Variants in PDZD4 observed in about 807,000 individuals in gnomAD.
The protein encoded by PDZD4 is PDZ domain-containing protein 4.
A neutral mutation model predicts 38.5 loss-of-function variants in PDZD4; 9 were observed. That is an observed-to-expected ratio of 0.23 (90% CI 0.14 to 0.41). The LOEUF (loss-of-function observed/expected upper bound fraction) is 0.41, where lower values mean the gene tolerates loss of function less well. PDZD4 is among the 10% of genes least tolerant of loss of function. The pLI, the probability that PDZD4 is intolerant of heterozygous loss-of-function variation, is 1.00. For missense variants in PDZD4, 612 were observed against 722.0 expected (o/e 0.85, Z 1.75); for synonymous variants, 349 against 315.7 (o/e 1.11, Z -1.12).
chrX:153,817,019 A>G (rs1410318068), intron 1 of PDZD4, among the ~76,000 whole-genome samples: 2 of 111,184 alleles, frequency 1.8e-5, no homozygotes, highest in Non-Finnish European at 3.8e-5. Context: ...GCCAGTACGC[A>G]CAGAGGAAAC....
chrX:153,829,645 G>T (rs1189349431), intron 1 of PDZD4: 2 of 691,787 alleles, frequency 2.9e-6, no homozygotes, highest in Non-Finnish European at 3.4e-6. Context: ...TCCCCGCGGG[G>T]CCCTGCTGGT....
At chrX:153,814,765 T>C (rs1440646335) in intron 1 of PDZD4, among the ~76,000 whole-genome samples, 1 of 110,874 alleles carries the variant, frequency 9.0e-6, no homozygotes, top group African/African-American at 3.3e-5. Context: ...GACTCTCATC[T>C]TCTCCAGTGC....
rs2064340497 is a variant in PDZD4, at chrX:153,814,480, ACCCCCCCCCC to A, written c.61-5895_61-5886del. On this transcript the variant is annotated intron_variant, in intron 1 of 7. Transcript: ENST00000393758. The stretch of plus-strand genomic sequence containing the variant: ...CAGAGTCAGACTCCATCCACCCCCC[ACCCCCCCCCC>A]AAAAAAAAGTCTCCTTCATCAAGTG... Among the ~76,000 whole-genome samples the A allele has an allele frequency of 5.6e-5, 3 of 53,858 alleles. No individual in the cohort carries two copies. The South Asian group carries it at 5.2e-3, about 94-fold the overall frequency. 46.8% of individuals were successfully genotyped at this position (53,858 alleles called of 115,157 possible).
In PDZD4 at chrX:153,808,608, C is replaced by A; in HGVS notation, c.61-13G>T. On this transcript the variant is annotated splice_polypyrimidine_tract_variant and intron_variant, in intron 1 of 7. Transcript: ENST00000393758. ...CCTTCCCGTTCACCTGCGGCAGAGA[C>A]ACGCCTCCGTAAGAACCCTCAAAGG... The A allele has an allele frequency of 8.7e-7, 1 of 1,144,956 alleles. No homozygotes were observed. Among genetic ancestry groups the A allele is most frequent in the Non-Finnish European group, 1.2e-6 (1 of 861,743 alleles). 94.4% of individuals were successfully genotyped at this position (1,144,956 alleles called of 1,213,427 possible).
At chrX:153,820,140 A>C (rs782094850) in intron 1 of PDZD4, among the ~76,000 whole-genome samples, 55 of 109,765 alleles carry the variant, frequency 5.0e-4, no homozygotes, top group Non-Finnish European at 9.3e-4. Context: ...CAAGGTCAGG[A>C]GTTCGAGACC....
chrX:153,806,890 C>T (rs1335007379), intron 3 of PDZD4, 50 bp from the exon 4 acceptor site: 6 of 1,054,502 alleles, frequency 5.7e-6, no homozygotes, highest in East Asian at 6.1e-5. Flanking sequence ...CCCAGAAATG[C>T]GTGAGTGAGG....
chrX:153,823,139 C>T (rs911361622), intron 1 of PDZD4, among the ~76,000 whole-genome samples: 32 of 109,656 alleles, frequency 2.9e-4, no homozygotes, highest in Admixed American at 9.8e-5. Context: ...GCTCATGCAA[C>T]CTCCACCTGC....
At chrX:153,821,928 G>A (rs1190959528) in intron 1 of PDZD4, among the ~76,000 whole-genome samples, 24 of 111,375 alleles carry the variant, frequency 2.2e-4, no homozygotes, top group Non-Finnish European at 3.2e-4. Context: ...GGTGGCTCAC[G>A]CCTGTAATCC....
At chrX:153,817,331 C>G (rs1330967871) in intron 1 of PDZD4, among the ~76,000 whole-genome samples, 1 of 112,133 alleles carries the variant, frequency 8.9e-6, no homozygotes, top group Non-Finnish European at 1.9e-5. Context: ...AACTTATACT[C>G]AAATGCTCAC....
intron 1 of PDZD4, among the ~76,000 whole-genome samples, chrX:153,821,758 A>G (rs1158022827): frequency 9.0e-6 from 1 of 111,635 alleles, no homozygotes; most frequent in African/African-American, 3.3e-5. Context: ...GGCCTTCTGC[A>G]TGAGGGCATC....
intron 1 of PDZD4, among the ~76,000 whole-genome samples, chrX:153,823,380 G>T (rs1288765044): frequency 9.1e-6 from 1 of 110,481 alleles, no homozygotes; most frequent in Non-Finnish European, 1.9e-5. Flanking sequence ...CACCATGCCC[G>T]GCTAATTTTG....
At position 153,803,040 on chromosome X, in the gene PDZD4, A is replaced by T; in HGVS notation, c.*313T>A. On this transcript the variant is annotated 3_prime_UTR_variant, in exon 8 of 8. Coordinates refer to ENST00000393758, the MANE Select transcript of PDZD4 (RefSeq NM_001303512.2). ...TGGGTGTGTGTGTGCGTGCACGTGCAAGCACACGCAAGAGCATGGGGGATG... is the reference window on the plus strand; with the variant it reads ...TGGGTGTGTGTGTGCGTGCACGTGCTAGCACACGCAAGAGCATGGGGGATG... 1 of 201,652 alleles carries T rather than the reference A, an allele frequency of 5.0e-6. No homozygotes were observed. The highest frequency in any genetic ancestry group is 9.1e-6 in the Non-Finnish European group (1 of 109,521). The allele number at this position is 201,652 out of a possible 1,213,427, so 16.6% of individuals were successfully genotyped here.
Position 153,803,801 on chromosome X carries a change from C to A in PDZD4, c.1880G>T (p.Arg627Leu), listed in dbSNP as rs2092191805. ...GVAAAATEAP[R>L]MEWKVKVRSD... is the part of the protein sequence containing the mutation. ...GCGCACCTTCACTTTCCACTCCATG[C>A]GCGGTGCTTCAGTGGCCGCGGCCGC... The change falls in exon 8 of 8, where the codon CGC (arginine) becomes CTC (leucine). Residue 627 changes from arginine (R) to leucine (L), a missense_variant. Arg to Leu is a moderately radical substitution (Grantham distance 102). Around this residue, in one of 3 missense-constraint regions of PDZD4, gnomAD observed 300 missense variants for 284.6 expected, o/e 1.05. Transcript: ENST00000393758. 3.3e-6 allele frequency: 4 copies of A among 1,203,217 alleles called. No homozygotes were observed. The highest frequency in any genetic ancestry group is 4.5e-6 in the Non-Finnish European group (4 of 893,159).
rs781840928 is a variant in PDZD4 at position 153,803,390 on chromosome X, C to G, written c.2291G>C (p.Arg764Pro). The G allele has an allele frequency of 2.6e-6, 3 of 1,141,519 alleles. No individual in the cohort carries two copies. The highest frequency in any genetic ancestry group is 3.5e-6 in the Non-Finnish European group (3 of 863,497). The allele number at this position is 1,141,519 out of a possible 1,213,427, so 94.1% of individuals were successfully genotyped here. Residue 764 changes from arginine to proline, a missense_variant, in exon 8 of 8, where the codon CGG becomes CCG. Coordinates refer to ENST00000393758, the MANE Select transcript of PDZD4 (RefSeq NM_001303512.2). ...GACTGAGAGAAGAGGGTTGTAGACC[C>G]GCTTGCCATCGGCGGAGCGCGCGCC... is the stretch of plus-strand genomic sequence containing the variant. The part of the protein sequence containing the change: ...AHGARSADGK[R>P]VYNPLLSVTT...
At position 153,803,330 on chromosome X, in the gene PDZD4, G is replaced by A; in HGVS notation, c.*23C>T. ...GGCCCCAGGGGGTTCCCTGGGCCTG[G>A]GCCGTGTACCCGCCCGGGCAGCTCA... On this transcript the variant is annotated 3_prime_UTR_variant, in exon 8 of 8. Coordinates refer to ENST00000393758, the MANE Select transcript of PDZD4 (RefSeq NM_001303512.2). The A allele has an allele frequency of 8.9e-7, 1 of 1,118,740 alleles. No individual in the cohort carries two copies. Among genetic ancestry groups the A allele is most frequent in the Non-Finnish European group, 1.2e-6 (1 of 854,854 alleles). 92.2% of individuals were successfully genotyped at this position (1,118,740 alleles called of 1,213,427 possible).
intron 1 of PDZD4, among the ~76,000 whole-genome samples, chrX:153,820,247 T>G (rs782773072): frequency 9.5e-6 from 1 of 104,984 alleles, no homozygotes; most frequent in African/African-American, 3.5e-5. Flanking sequence ...CTAGGGAGGC[T>G]GAGGCAGGAG....
In PDZD4 at chrX:153,804,632, C is replaced by T. The variant is rs1158421027; in HGVS notation, c.1049G>A (p.Gly350Asp). 6 of 1,208,158 alleles carry T rather than the reference C, an allele frequency of 5.0e-6. No homozygotes were observed. Among genetic ancestry groups the T allele is most frequent in the African/African-American group, 1.7e-5 (1 of 57,393 alleles). Reference sequence around the variant, plus strand: ...CTCATCCGTGAGGCCCGGGACGTCGCCCCCTCCCAGCCCCGCCCCCTCGGC... The same window carrying T: ...CTCATCCGTGAGGCCCGGGACGTCGTCCCCTCCCAGCCCCGCCCCCTCGGC... ...LLAEGAGLGG[G>D]DVPGLTDEEY... Residue 350 changes from glycine (G) to aspartate (D), a missense_variant, in exon 8 of 8, where the codon GGC becomes GAC. Transcript: ENST00000393758.
intron 7 of PDZD4, 44 bp downstream of exon 7, chrX:153,805,041 TTCCACCCAGTTC>T (rs2148457763): frequency 8.7e-7 from 1 of 1,154,545 alleles, no homozygotes; most frequent in East Asian, 3.0e-5. Flanking sequence ...CCTCAGCGCC[TTCCACCCAGTTC>T]TCTCCTCCTC....
At chrX:153,807,190 C>A in intron 3 of PDZD4, 89 bp downstream of exon 3, 1 of 966,570 alleles carries the variant, frequency 1.0e-6, no homozygotes, top group Non-Finnish European at 1.4e-6. Context: ...CCAGGAGGGC[C>A]ACGGGGTTGG....
Sources: gnomAD v4.1 joint callset for allele counts (sites outside exome capture counted in the v4.1 genomes callset) on GRCh38, gnomAD v4.1.1 for gene constraint, gnomAD v4.1.1 regional missense constraint, MANE v1.5 for transcripts, NCBI Gene and HGNC (gene_info 2026-07-23, HGNC 2026-07-21) for gene names.